The following CPT1C variants were observed in gnomAD, a reference collection of about 807,000 sequenced individuals.
The protein encoded by CPT1C is palmitoyl thioesterase CPT1C.
In CPT1C, 61 loss-of-function variants were observed where a neutral mutation model predicts 97.3. The ratio of observed to expected loss-of-function variants is 0.63; its 90% CI spans 0.51 to 0.78. CPT1C has a LOEUF of 0.78. Ranked by LOEUF, CPT1C falls within the 30% of genes least tolerant of loss-of-function variation. The pLI, the probability that CPT1C is intolerant of heterozygous loss-of-function variation, is 0.00. For synonymous variants in CPT1C, 469 were observed against 447.2 expected, an observed-to-expected ratio of 1.05 and a Z score of -0.61; for missense variants, 975 against 1,065.5, an observed-to-expected ratio of 0.92 and a Z score of 1.18.
Position 49,700,263 on chromosome 19 carries a change from A to AAC in CPT1C, c.282-420_282-419insCA, listed in dbSNP as rs146314370. Among the ~76,000 whole-genome samples, 178 of 39,998 alleles carry AAC rather than the reference A, an allele frequency of 4.5e-3. 1 individual carries two copies. The highest frequency in any genetic ancestry group is 0.026 in the African/African-American group (175 of 6,754). The allele number at this position is 39,998 out of a possible 152,430, so 26.2% of individuals were successfully genotyped here. ...CTCCATCCCAAAAACAAAACAAAAC[A>AAC]AAAAAAAAAACGCTGATTGCTGGAC... is the stretch of plus-strand genomic sequence containing the variant. On this transcript the variant is annotated intron_variant, in intron 4 of 19. Coordinates refer to ENST00000598293, the MANE Select transcript of CPT1C (RefSeq NM_001199753.2).
At chr19:49,710,003 C>T (rs530016488) in intron 14 of CPT1C, among the ~76,000 whole-genome samples, 143 of 152,062 alleles carry the variant, frequency 9.4e-4, no homozygotes, top group Non-Finnish European at 1.6e-3. Context: ...CGTGCCACCA[C>T]GGCCAGCTAG....
rs114513654 is a variant in CPT1C, at chr19:49,700,334, G to T, written c.282-350G>T. On this transcript the variant is annotated intron_variant, in intron 4 of 19. Coordinates refer to ENST00000598293, the MANE Select transcript of CPT1C (RefSeq NM_001199753.2). ...CTTGTTAGGTCTTAAAGGCGCCCAGGAATATGCATTTCGAACAAGCTCCCA... is the reference window on the plus strand; with the variant it reads ...CTTGTTAGGTCTTAAAGGCGCCCAGTAATATGCATTTCGAACAAGCTCCCA... Among the ~76,000 whole-genome samples the T allele has an allele frequency of 9.1e-3, 1,380 of 152,142 alleles. 18 individuals carry two copies. The highest frequency in any genetic ancestry group is 0.032 in the African/African-American group (1,326 of 41,508).
chr19:49,691,530 G>A (rs2082349178), intron 1 of CPT1C, 190 bp downstream of exon 1: 1 of 152,128 alleles, frequency 6.6e-6, no homozygotes, highest in South Asian at 2.1e-4. Context: ...CGGGGGGAGG[G>A]GACGCTGAGC....
Position 49,710,238 on chromosome 19 carries a change from C to G in CPT1C, c.1567-82C>G. ...GCCGCAACCTTAACTCCACATCCAC[C>G]TCCGCTTCCAGCCTTATTCCTGGCT... On this transcript the variant is annotated intron_variant, in intron 14 of 19. Transcript: ENST00000598293. The G allele has an allele frequency of 2.2e-6, 3 of 1,385,150 alleles. No individual in the cohort carries two copies. In the East Asian group the frequency reaches 6.9e-5, roughly 32 times the overall value. 85.8% of individuals were successfully genotyped at this position (1,385,150 alleles called of 1,614,324 possible). A position where few individuals can be genotyped will look rare whatever the true frequency, so the allele number is the denominator to read the frequency against.
chr19:49,712,931 G>GTA, intron 18 of CPT1C, 41 bp from the exon 19 acceptor site: 1 of 1,597,036 alleles, frequency 6.3e-7, no homozygotes, highest in Non-Finnish European at 8.6e-7. Flanking sequence ...GGGTGGAGGG[G>GTA]ACCGGAGCTA....
At chr19:49,694,416 G>A (rs1346253232) in intron 3 of CPT1C, among the ~76,000 whole-genome samples, 5 of 151,974 alleles carry the variant, frequency 3.3e-5, no homozygotes, top group Non-Finnish European at 7.4e-5. Context: ...AGATCACGAA[G>A]TCAGGAGTTC....
At chr19:49,694,087 A>ATAAAT (rs773626176) in intron 3 of CPT1C, among the ~76,000 whole-genome samples, 15 of 107,430 alleles carry the variant, frequency 1.4e-4, no homozygotes, top group Admixed American at 1.8e-4. Context: ...AATAAAATAA[A>ATAAAT]AAATAAATAA....
intron 19 of CPT1C, 39 bp from the exon 20 acceptor site, chr19:49,713,381 C>A: frequency 6.4e-7 from 1 of 1,561,490 alleles, no homozygotes; most frequent in South Asian, 1.2e-5. Context: ...AGGATCCCAT[C>A]TCCCAGCTTC....
intron 19 of CPT1C, 129 bp downstream of exon 19, chr19:49,713,193 A>T (rs2084028058): frequency 3.6e-6 from 3 of 825,680 alleles, no homozygotes; most frequent in Non-Finnish European, 5.7e-6. Context: ...CCAGGAGTCC[A>T]GGCCCCCAGC....
At chr19:49,698,604 G>A (rs536077205) in intron 4 of CPT1C, among the ~76,000 whole-genome samples, 10 of 151,576 alleles carry the variant, frequency 6.6e-5, no homozygotes, top group Middle Eastern at 3.4e-3. Flanking sequence ...CGGAGGTTGC[G>A]GTGAGTCGAA....
At position 49,706,334 on chromosome 19, in the gene CPT1C, G is replaced by T. The variant is rs777837083; in HGVS notation, c.1264G>T (p.Ala422Ser). The change falls in exon 12 of 20, where the codon GCG (alanine) becomes TCG (serine). Residue 422 changes from alanine to serine, a missense_variant. By Grantham distance (99) the Ala-to-Ser change is moderately conservative. This residue lies in a region of CPT1C where 596 missense variants were observed against 603.1 expected (regional missense o/e 0.99). Transcript: ENST00000598293. The surrounding 1 kb of genome is among the most constrained non-coding windows in gnomAD (Gnocchi z 4.8). ...AFFVSLDAEPAGLTREDPAAS... is the reference protein window; with the variant it reads ...AFFVSLDAEPSGLTREDPAAS... ...CTTTGTGTCACTGGATGCTGAGCCCGCGGGGCTCACCAGGGAGGACCCGGC... is the reference window on the plus strand; with the variant it reads ...CTTTGTGTCACTGGATGCTGAGCCCTCGGGGCTCACCAGGGAGGACCCGGC... 1 of 1,525,010 alleles carries T rather than the reference G, an allele frequency of 6.6e-7. No individual in the cohort carries two copies. The highest frequency in any genetic ancestry group is 1.3e-5 in the South Asian group (1 of 79,290). The allele number at this position is 1,525,010 out of a possible 1,614,324, so 94.5% of individuals were successfully genotyped here. A position where few individuals can be genotyped will look rare whatever the true frequency, so the allele number is the denominator to read the frequency against.
At chr19:49,704,895 G>A in intron 8 of CPT1C, 108 bp downstream of exon 8, 1 of 1,402,808 alleles carries the variant, frequency 7.1e-7, no homozygotes, top group South Asian at 1.2e-5. Flanking sequence ...CGCGCCATCT[G>A]GGATTCATCA....
intron 14 of CPT1C, among the ~76,000 whole-genome samples, chr19:49,709,845 C>T (rs991666749): frequency 8.0e-5 from 12 of 149,650 alleles, no homozygotes; most frequent in African/African-American, 2.0e-4. Context: ...CGTGAGCCAC[C>T]GCGCCCGGCA....
In CPT1C at chr19:49,706,128, AG is replaced by A. The variant is rs772610465; in HGVS notation, c.1160+28del. On this transcript the variant is annotated intron_variant, in intron 11 of 19. Transcript: ENST00000598293. The surrounding 1 kb of genome is among the most constrained non-coding windows in gnomAD (Gnocchi z 4.8). ...AGGTAAGGGTCAGGGGTCAGGGGTC[AG>A]GGGCTCTCAGAGGCCGCCAGTGTCC... 19 of 1,597,282 alleles carry A rather than the reference AG, an allele frequency of 1.2e-5. No individual in the cohort carries two copies.
chr19:49,704,474 C>T (rs1457479850), intron 7 of CPT1C, among the ~76,000 whole-genome samples: 1 of 152,110 alleles, frequency 6.6e-6, no homozygotes, highest in Non-Finnish European at 1.5e-5. Flanking sequence ...CCCAGCTGTA[C>T]CTTGTTATTT....
intron 2 of CPT1C, 172 bp downstream of exon 2, chr19:49,692,061 GC>G: frequency 1.7e-6 from 1 of 577,382 alleles, no homozygotes; most frequent in Non-Finnish European, 3.0e-6. Flanking sequence ...AGGGGCTGGG[GC>G]CTGGGCTTCT....
At chr19:49,705,375 G>C in intron 10 of CPT1C, 77 bp downstream of exon 10, 1 of 1,231,564 alleles carries the variant, frequency 8.1e-7, no homozygotes, top group Non-Finnish European at 1.1e-6. Context: ...GAGTCCGCCT[G>C]ACTGAGCTGG....
intron 17 of CPT1C, chr19:49,712,343 C>CAAAAAAAAAAAAAAAAAAAA (rs750870666): frequency 7.1e-5 from 8 of 112,656 alleles, no homozygotes; most frequent in African/African-American, 4.5e-4. Flanking sequence ...GACTCTGTCT[C>CAAAAAAAAAAAAAAAAAAAA]AAAAAAAAAA....
chr19:49,708,002 C>CAAAAAAA (rs60276067), intron 13 of CPT1C, among the ~76,000 whole-genome samples: 6 of 56,776 alleles, frequency 1.1e-4, no homozygotes, highest in Non-Finnish European at 1.8e-4. Flanking sequence ...GAATACATCT[C>CAAAAAAA]AAAAAAAAAA....
Sources: gnomAD v4.1 joint callset for allele counts (sites outside exome capture counted in the v4.1 genomes callset) on GRCh38, gnomAD v4.1.1 for gene constraint, gnomAD v4.1.1 regional missense constraint, Gnocchi (gnomAD v3.1) non-coding constraint, MANE v1.5 for transcripts, NCBI Gene and HGNC (gene_info 2026-07-23, HGNC 2026-07-21) for gene names.